The following STPG2 variants were observed in gnomAD, a reference collection of about 807,000 sequenced individuals.
STPG2 encodes sperm-tail PG-rich repeat-containing protein 2.
A neutral mutation model predicts 54.2 loss-of-function variants in STPG2; 56 were observed. The observed-to-expected ratio is 1.03, with a 90% CI of 0.83 to 1.29. STPG2 has a LOEUF of 1.29. Ranked by LOEUF, STPG2 falls within the 50% of genes most tolerant of loss-of-function variation. The pLI is 0.00. For missense variants in STPG2, 596 were observed against 544.9 expected (o/e 1.09, Z -0.93); for synonymous variants, 200 against 181.8 (o/e 1.10, Z -0.81).
At chr4:97,643,637 C>T (rs1440927541) in intron 10 of STPG2, among the ~76,000 whole-genome samples, 1 of 151,760 alleles carries the variant, frequency 6.6e-6, no homozygotes, top group Non-Finnish European at 1.5e-5. Context: ...TCCAGACATA[C>T]TTATTAATAT....
intron 4 of STPG2, among the ~76,000 whole-genome samples, chr4:97,476,774 G>A (rs1442073456): frequency 6.6e-6 from 1 of 152,030 alleles, no homozygotes; most frequent in Admixed American, 6.6e-5. Flanking sequence ...TTACATTGTT[G>A]TTATCACTTA....
intron 4 of STPG2, among the ~76,000 whole-genome samples, chr4:97,526,713 C>T (rs1731287937): frequency 6.6e-6 from 1 of 152,158 alleles, no homozygotes; most frequent in South Asian, 2.1e-4. Context: ...GCTTTTGTTG[C>T]CATTGCTTTT....
At chr4:97,917,032 T>C (rs1286230312) in intron 8 of STPG2, 2 of 152,814 alleles carry the variant, frequency 1.3e-5, no homozygotes, top group East Asian at 1.9e-4. Context: ...TTCTGATCAG[T>C]GACACATTCT....
chr4:97,901,477 A>G (rs1041930682), intron 8 of STPG2, among the ~76,000 whole-genome samples: 4 of 152,022 alleles, frequency 2.6e-5, no homozygotes, highest in African/African-American at 7.2e-5. Context: ...ACAACTAATA[A>G]TACAGTAATG....
chr4:97,817,902 A>G (rs1238923943), intron 9 of STPG2, among the ~76,000 whole-genome samples: 1 of 151,810 alleles, frequency 6.6e-6, no homozygotes, highest in Non-Finnish European at 1.5e-5. Flanking sequence ...TGTCTTTTAT[A>G]TGCATCAGAT....
intron 10 of STPG2, among the ~76,000 whole-genome samples, chr4:97,620,568 A>C (rs2148923703): frequency 6.6e-6 from 1 of 152,314 alleles, no homozygotes; most frequent in African/African-American, 2.4e-5. Context: ...ATATCGGTAA[A>C]GAGTTCAATT....
chr4:97,741,460 C>T lies in STPG2; in HGVS notation c.1205-28646G>A, dbSNP rs552633439. Reference sequence around the variant, plus strand: ...AATGGGAGAAAATTTTTGCAACCTACTCATCTGACAAAGGGCTAATATCCA... The same window carrying T: ...AATGGGAGAAAATTTTTGCAACCTATTCATCTGACAAAGGGCTAATATCCA... On this transcript the variant is annotated intron_variant, in intron 9 of 10. Transcript: ENST00000295268. Among the ~76,000 whole-genome samples the T allele has an allele frequency of 4.2e-3, 637 of 151,762 alleles. 2 individuals are homozygous for T. The highest frequency in any genetic ancestry group is 0.024 in the South Asian group (113 of 4,806).
chr4:97,902,002 C>T (rs1188794432), intron 8 of STPG2, among the ~76,000 whole-genome samples: 1 of 151,978 alleles, frequency 6.6e-6, no homozygotes, highest in Non-Finnish European at 1.5e-5. Context: ...AATAAACCCA[C>T]ACATATACTA....
At chr4:97,892,090 C>T (rs922859282) in intron 8 of STPG2, among the ~76,000 whole-genome samples, 6 of 152,042 alleles carry the variant, frequency 3.9e-5, no homozygotes, top group African/African-American at 9.7e-5. Flanking sequence ...TCTCTACCAA[C>T]GTACTTATCA....
intron 8 of STPG2, among the ~76,000 whole-genome samples, chr4:97,860,603 C>T (rs891837970): frequency 2.6e-5 from 4 of 151,744 alleles, no homozygotes; most frequent in Admixed American, 2.0e-4. Context: ...TAGAGCCATG[C>T]TACTGATTTG....
At chr4:97,759,328 C>T (rs529841545) in intron 9 of STPG2, among the ~76,000 whole-genome samples, 1 of 152,270 alleles carries the variant, frequency 6.6e-6, no homozygotes, top group South Asian at 2.1e-4. Flanking sequence ...AACATTGTCA[C>T]TTGTCTCTGA....
At chr4:97,539,400 C>T (rs1578372719) in intron 4 of STPG2, among the ~76,000 whole-genome samples, 1 of 152,136 alleles carries the variant, frequency 6.6e-6, no homozygotes, top group Non-Finnish European at 1.5e-5. Context: ...ATCCTAGTCT[C>T]TGATAAAATA....
At chr4:97,974,418 T>C (rs1174936408) in intron 6 of STPG2, among the ~76,000 whole-genome samples, 1 of 152,152 alleles carries the variant, frequency 6.6e-6, no homozygotes, top group East Asian at 1.9e-4. Flanking sequence ...TTGGGGACTG[T>C]TGGGAAGGCA....
At chr4:97,638,523 G>A (rs9685391) in intron 10 of STPG2, among the ~76,000 whole-genome samples, 3,308 of 151,102 alleles carry the variant, frequency 0.022, 95 homozygotes, top group African/African-American at 0.074. Flanking sequence ...GAGCTTCTGC[G>A]CAGCAAAAGA....
At chr4:97,804,998 C>T (rs1024399552) in intron 9 of STPG2, among the ~76,000 whole-genome samples, 1 of 152,100 alleles carries the variant, frequency 6.6e-6, no homozygotes, top group Non-Finnish European at 1.5e-5. Flanking sequence ...GATGTTCATA[C>T]AAGGACAATA....
rs147647574 is a variant in STPG2 at position 97,465,631 on chromosome 4, C to T, written c.462+247068G>A. Among the ~76,000 whole-genome samples, 634 of 152,090 alleles carry T rather than the reference C, an allele frequency of 4.2e-3. 3 individuals carry two copies. Among genetic ancestry groups the T allele is most frequent in the South Asian group, 0.02 (96 of 4,820 alleles). ...GTGCATACCAAAATCCTTAGATGTT[C>T]AGGTTCCTGATATAAAATGGCATCA... On this transcript the variant is annotated intron_variant, in intron 4 of 4. Coordinates refer to the STPG2 transcript ENST00000522676.
intron 8 of STPG2, among the ~76,000 whole-genome samples, chr4:97,847,721 CT>C (rs1393075589): frequency 6.6e-6 from 1 of 152,160 alleles, no homozygotes; most frequent in Non-Finnish European, 1.5e-5. Context: ...TAAAATAAAA[CT>C]TATTATCTTC....
intron 2 of STPG2, among the ~76,000 whole-genome samples, chr4:98,133,094 G>C (rs762299179): frequency 4.0e-5 from 6 of 151,876 alleles, no homozygotes; most frequent in Admixed American, 3.9e-4. Flanking sequence ...GCAACAGCTT[G>C]GTTTTATGTT....
At chr4:98,042,895 T>G (rs193236689) in intron 5 of STPG2, among the ~76,000 whole-genome samples, 1 of 152,132 alleles carries the variant, frequency 6.6e-6, no homozygotes, top group East Asian at 1.9e-4. Context: ...CAGTGGGGTG[T>G]TGAAGTCCCC....
Sources: allele counts gnomAD v4.1 joint callset (sites outside exome capture counted in the v4.1 genomes callset), GRCh38; gene constraint gnomAD v4.1.1; transcripts MANE v1.5; gene names NCBI Gene and HGNC (gene_info 2026-07-23, HGNC 2026-07-21).